The following ERC2 variants were observed in gnomAD, a reference collection of about 807,000 sequenced individuals.
The protein encoded by ERC2 is ELKS/RAB6-interacting/CAST family member 2.
ERC2 carries 42 observed loss-of-function variants against 114.8 expected under a neutral mutation model. The observed-to-expected ratio is 0.37, with a 90% CI of 0.29 to 0.47. ERC2 has a LOEUF of 0.47. ERC2 is among the 20% of genes least tolerant of loss of function. The pLI is 0.99. For missense variants in ERC2, 939 were observed against 1,150.7 expected, an observed-to-expected ratio of 0.82 and a Z score of 2.66; for synonymous variants, 454 against 425.5, an observed-to-expected ratio of 1.07 and a Z score of -0.82.
At chr3:56,392,330 C>A (rs1013778609) in intron 2 of ERC2, among the ~76,000 whole-genome samples, 5 of 152,138 alleles carry the variant, frequency 3.3e-5, no homozygotes, top group Admixed American at 1.3e-4. Context: ...CCATTCTGAA[C>A]CAAGTCAACT....
intron 14 of ERC2, among the ~76,000 whole-genome samples, chr3:55,817,145 G>A (rs189626471): frequency 6.6e-6 from 1 of 152,256 alleles, no homozygotes; most frequent in African/African-American, 2.4e-5. Flanking sequence ...CACCATTCAC[G>A]CAATAACTCA....
intron 13 of ERC2, among the ~76,000 whole-genome samples, chr3:55,894,992 G>T (rs1264104926): frequency 1.3e-5 from 2 of 152,152 alleles, no homozygotes; most frequent in Non-Finnish European, 2.9e-5. Context: ...CCCCTGGACT[G>T]CCCTACATTC....
chr3:56,001,574 C>G (rs958291166), intron 10 of ERC2, among the ~76,000 whole-genome samples: 1 of 152,116 alleles, frequency 6.6e-6, no homozygotes, highest in Non-Finnish European at 1.5e-5. Context: ...AAAGTTCACG[C>G]TGGCATATTA....
intron 14 of ERC2, among the ~76,000 whole-genome samples, chr3:55,809,493 T>C (rs2059632169): frequency 6.6e-6 from 1 of 152,170 alleles, no homozygotes; most frequent in African/African-American, 2.4e-5. Flanking sequence ...TCAGTAGTAT[T>C]TGCAAACTAT....
At chr3:55,986,032 G>T in intron 11 of ERC2, 44 bp from the exon 12 acceptor site, 1 of 1,525,380 alleles carries the variant, frequency 6.6e-7, no homozygotes, top group South Asian at 1.2e-5. Context: ...AGGATAAGCA[G>T]AAAGGAAAAG....
At chr3:56,028,106 A>T (rs2074160913) in intron 7 of ERC2, among the ~76,000 whole-genome samples, 1 of 152,106 alleles carries the variant, frequency 6.6e-6, no homozygotes, top group African/African-American at 2.4e-5. Flanking sequence ...AAAATCACTT[A>T]GGCTTATTTG....
intron 13 of ERC2, among the ~76,000 whole-genome samples, chr3:55,922,865 G>A (rs779167501): frequency 6.6e-6 from 1 of 152,186 alleles, no homozygotes; most frequent in Non-Finnish European, 1.5e-5. Flanking sequence ...AAACCACAGT[G>A]AGATGGCTGT....
At chr3:55,706,231 G>C (rs1212737001) in intron 15 of ERC2, among the ~76,000 whole-genome samples, 2 of 152,146 alleles carry the variant, frequency 1.3e-5, no homozygotes. Context: ...GACTATAGCA[G>C]AAAACTGCCC....
chr3:55,618,128 T>C (rs17031038), intron 17 of ERC2, among the ~76,000 whole-genome samples: 4,581 of 152,192 alleles, frequency 0.03, 258 homozygotes, highest in African/African-American at 0.1. Flanking sequence ...CTGAACCAAC[T>C]TGCAAATTAA....
At chr3:55,533,557 G>T (rs2053802253) in intron 17 of ERC2, among the ~76,000 whole-genome samples, 1 of 152,230 alleles carries the variant, frequency 6.6e-6, no homozygotes, top group Non-Finnish European at 1.5e-5. Context: ...AAGGAGCAAA[G>T]AAGCCAAAGA....
chr3:56,009,212 G>T (rs1358640868), intron 9 of ERC2, among the ~76,000 whole-genome samples: 2 of 152,160 alleles, frequency 1.3e-5, no homozygotes, highest in African/African-American at 4.8e-5. Flanking sequence ...TGCAACCGGT[G>T]AAGAATGCTA....
chr3:56,243,856 T>C (rs2051492571), intron 3 of ERC2, among the ~76,000 whole-genome samples: 1 of 152,070 alleles, frequency 6.6e-6, no homozygotes, highest in Non-Finnish European at 1.5e-5. Context: ...CAAGTTCCCT[T>C]TAGAGGCAGA....
intron 2 of ERC2, among the ~76,000 whole-genome samples, chr3:56,301,930 T>A (rs2150370962): frequency 6.6e-6 from 1 of 152,228 alleles, no homozygotes; most frequent in South Asian, 2.1e-4. Flanking sequence ...AGTTAATACA[T>A]ATAAAGCTCT....
intron 17 of ERC2, among the ~76,000 whole-genome samples, chr3:55,600,256 C>T (rs930301053): frequency 1.3e-5 from 2 of 152,024 alleles, no homozygotes; most frequent in African/African-American, 4.8e-5. Flanking sequence ...TAAATTAATG[C>T]AATGAAACAC....
intron 17 of ERC2, among the ~76,000 whole-genome samples, chr3:55,539,485 C>T (rs1187169957): frequency 5.9e-5 from 7 of 119,492 alleles, no homozygotes; most frequent in South Asian, 3.0e-4. Context: ...TGCAGTGGTG[C>T]GATCTCAGCT....
chr3:55,670,940 G>A (rs1037861987), intron 17 of ERC2, among the ~76,000 whole-genome samples: 12 of 152,106 alleles, frequency 7.9e-5, no homozygotes, highest in African/African-American at 2.4e-4. Flanking sequence ...ATGCCCACTC[G>A]TATGGTCTCT....
At chr3:56,234,044 G>A (rs1301808045) in intron 3 of ERC2, among the ~76,000 whole-genome samples, 1 of 152,132 alleles carries the variant, frequency 6.6e-6, no homozygotes, top group Non-Finnish European at 1.5e-5. Context: ...AGATCCAGAT[G>A]TCCTCATCTT....
chr3:55,963,535 T>C (rs1162709366), intron 12 of ERC2, among the ~76,000 whole-genome samples: 1 of 152,162 alleles, frequency 6.6e-6, no homozygotes, highest in Non-Finnish European at 1.5e-5. Flanking sequence ...GGACAAGACA[T>C]AAGATAAAAA....
At chr3:55,804,404 G>A (rs897244458) in intron 14 of ERC2, among the ~76,000 whole-genome samples, 8 of 152,140 alleles carry the variant, frequency 5.3e-5, no homozygotes, top group African/African-American at 1.4e-4. Context: ...GGTGAGATGC[G>A]TCGGTTTGCC....
Sources: gnomAD v4.1 joint callset for allele counts (sites outside exome capture counted in the v4.1 genomes callset) on GRCh38, gnomAD v4.1.1 for gene constraint, MANE v1.5 for transcripts, NCBI Gene and HGNC (gene_info 2026-07-23, HGNC 2026-07-21) for gene names.